The following APOBEC3D variants were observed in gnomAD, a reference collection of about 807,000 sequenced individuals.
APOBEC3D encodes apolipoprotein B mRNA editing enzyme catalytic subunit 3D, also known as DNA dC->dU-editing enzyme APOBEC-3D.
A neutral mutation model predicts 45.6 loss-of-function variants in APOBEC3D; 37 were observed. The observed-to-expected ratio is 0.81, with a 90% CI of 0.62 to 1.07. APOBEC3D has a LOEUF of 1.07. Ranked by LOEUF, APOBEC3D falls within the 50% of genes least tolerant of loss-of-function variation. The probability of loss-of-function intolerance (pLI) is 0.00; values close to 1 mark genes in which losing one functional copy is unlikely to be tolerated. For synonymous variants in APOBEC3D, 175 were observed against 180.7 expected (o/e 0.97, Z 0.25); for missense variants, 496 against 495.3 (o/e 1.00, Z -0.01).
chr22:39,021,945 T>C (rs1925156209), intron 1 of APOBEC3D, among the ~76,000 whole-genome samples: 1 of 152,220 alleles, frequency 6.6e-6, no homozygotes. Context: ...AAGATTTACT[T>C]TGTTTAAATA....
Position 39,021,490 on chromosome 22 carries a change from A to G in APOBEC3D, c.-30A>G. The G allele has an allele frequency of 6.2e-7, 1 of 1,614,136 alleles. No homozygotes were observed. Among genetic ancestry groups the G allele is most frequent in the East Asian group, 2.2e-5 (1 of 44,878 alleles). On this transcript the variant is annotated 5_prime_UTR_variant, in exon 1 of 7. Coordinates refer to ENST00000216099, the MANE Select transcript of APOBEC3D (RefSeq NM_152426.4). Reference sequence around the variant, plus strand: ...CACAGCACTTCAAAAAAAGAGGGAGACTGGGACAAGCGTATCTAAGAGGCT... The same window carrying G: ...CACAGCACTTCAAAAAAAGAGGGAGGCTGGGACAAGCGTATCTAAGAGGCT...
At chr22:39,025,736 T>TC (rs1569056801) in intron 4 of APOBEC3D, 65 bp downstream of exon 4, 2 of 1,607,364 alleles carry the variant, frequency 1.2e-6, no homozygotes, top group Non-Finnish European at 1.7e-6. Context: ...TCCTGAGGAC[T>TC]CCCCTGGCTG....
At chr22:39,027,311 T>C (rs573784100) in intron 4 of APOBEC3D, among the ~76,000 whole-genome samples, 2 of 152,198 alleles carry the variant, frequency 1.3e-5, no homozygotes, top group South Asian at 2.1e-4. Flanking sequence ...CCACCCACTA[T>C]TCCTCCCTCC....
chr22:39,024,981 C>T lies in APOBEC3D; in HGVS notation c.211-89C>T. 3.5e-6 allele frequency: 4 copies of T among 1,128,294 alleles called. No individual in the cohort carries two copies. In the South Asian group the frequency reaches 6.6e-5, roughly 19 times the overall value. The allele number at this position is 1,128,294 out of a possible 1,614,324, so 69.9% of individuals were successfully genotyped here. A position where few individuals can be genotyped will look rare whatever the true frequency, so the allele number is the denominator to read the frequency against. On this transcript the variant is annotated intron_variant, in intron 2 of 6. Coordinates refer to ENST00000216099, the MANE Select transcript of APOBEC3D (RefSeq NM_152426.4). ...CTTCAATGGCAAGATCCCCTGGGCTCCTGTCCTGGCCCCTCCTCCCCCTGC... is the reference window on the plus strand; with the variant it reads ...CTTCAATGGCAAGATCCCCTGGGCTTCTGTCCTGGCCCCTCCTCCCCCTGC...
chr22:39,030,383 G>A (rs1260656758), intron 5 of APOBEC3D, among the ~76,000 whole-genome samples: 3 of 152,112 alleles, frequency 2.0e-5, no homozygotes, highest in East Asian at 1.9e-4. Context: ...GCCTACAGCA[G>A]TGCTGGCCTC....
intron 4 of APOBEC3D, 25 bp downstream of exon 4, chr22:39,025,696 C>T (rs181901737): frequency 1.0e-4 from 167 of 1,613,906 alleles, no homozygotes; most frequent in Non-Finnish European, 1.4e-4. Context: ...CTGGCCTCAT[C>T]GTCTCTCTCC....
Position 39,025,759 on chromosome 22 carries a change from C to G in APOBEC3D, c.605+88C>G, listed in dbSNP as rs898812252. 2.2e-5 allele frequency: 35 copies of G among 1,593,042 alleles called. No homozygotes were observed. In the African/African-American group the frequency reaches 4.2e-4, roughly 19 times the overall value. On this transcript the variant is annotated intron_variant, in intron 4 of 6. Transcript: ENST00000216099. The stretch of plus-strand genomic sequence containing the variant: ...ACTCCCCTGGCTGGGCCCTCCTGCC[C>G]TCCGTCCTGCCCCCCTGCCTGCCCT...
At chr22:39,024,621 T>C (rs868442598) in intron 2 of APOBEC3D, among the ~76,000 whole-genome samples, 20 of 152,046 alleles carry the variant, frequency 1.3e-4, no homozygotes, top group African/African-American at 4.8e-4. Flanking sequence ...AGCTGCACAG[T>C]CACATGGGGG....
chr22:39,028,753 G>A (rs1925924186), intron 4 of APOBEC3D, among the ~76,000 whole-genome samples: 1 of 152,172 alleles, frequency 6.6e-6, no homozygotes, highest in Non-Finnish European at 1.5e-5. Context: ...GGCTAACGTG[G>A]TGAAACCCCG....
intron 4 of APOBEC3D, among the ~76,000 whole-genome samples, chr22:39,026,216 G>T (rs892135200): frequency 4.5e-4 from 68 of 152,242 alleles, no homozygotes; most frequent in African/African-American, 1.6e-3. Flanking sequence ...GGGTGGGTGG[G>T]GTTGTGTCCT....
chr22:39,026,553 G>C (rs1405940361), intron 4 of APOBEC3D, among the ~76,000 whole-genome samples: 1 of 152,120 alleles, frequency 6.6e-6, no homozygotes, highest in African/African-American at 2.4e-5. Flanking sequence ...AGGGGTCCCC[G>C]TTCTGTGTGT....
chr22:39,023,001 A>C lies in APOBEC3D; in HGVS notation c.197A>C (p.Asn66Thr). The C allele has an allele frequency of 6.3e-7, 1 of 1,598,946 alleles. No homozygotes were observed. The highest frequency in any genetic ancestry group is 1.7e-5 in the Admixed American group (1 of 58,362). ...CCGGTACTACCCAAACGTCAGTCGA[A>C]TCACAGGCAGGAGGTAAGCAGCTGG... is the stretch of plus-strand genomic sequence containing the variant. ...RGPVLPKRQS[N>T]HRQEVYFRFE... is the part of the protein sequence containing the mutation. Residue 66 changes from asparagine to threonine, a missense_variant, in exon 2 of 7, where the codon AAT (asparagine) becomes ACT (threonine). Physicochemically the swap from Asn to Thr is moderately conservative, Grantham distance 65. Coordinates refer to ENST00000216099, the MANE Select transcript of APOBEC3D (RefSeq NM_152426.4).
intron 5 of APOBEC3D, 141 bp from the exon 6 acceptor site, chr22:39,031,553 G>T: frequency 7.6e-7 from 1 of 1,307,466 alleles, no homozygotes; most frequent in South Asian, 1.4e-5. Flanking sequence ...TTGGGCAACA[G>T]GAGAGACCCT....
intron 4 of APOBEC3D, among the ~76,000 whole-genome samples, chr22:39,026,076 G>C (rs1168815449): frequency 6.6e-6 from 1 of 152,254 alleles, no homozygotes; most frequent in African/African-American, 2.4e-5. Context: ...CTGAGCCCCT[G>C]AGAAGGAGCC....
At chr22:39,021,559 C>T in intron 1 of APOBEC3D, 23 bp downstream of exon 1, 1 of 1,611,752 alleles carries the variant, frequency 6.2e-7, no homozygotes, top group Non-Finnish European at 8.5e-7. Context: ...ACTATGTCCG[C>T]AGGGCCCCTC....
At position 39,023,006 on chromosome 22, in the gene APOBEC3D, A is replaced by G. The variant is rs369273982; in HGVS notation, c.202A>G (p.Arg68Gly). ...PVLPKRQSNH[R>G]QEVYFRFENH... ...ACTACCCAAACGTCAGTCGAATCAC[A>G]GGCAGGAGGTAAGCAGCTGGGAATG... Residue 68 changes from arginine to glycine, a missense_variant, in exon 2 of 7, where the codon AGG becomes GGG. Physicochemically the swap from Arg to Gly is moderately radical, Grantham distance 125. Coordinates refer to ENST00000216099, the MANE Select transcript of APOBEC3D (RefSeq NM_152426.4). 8 of 1,591,788 alleles carry G rather than the reference A, an allele frequency of 5.0e-6. No homozygotes were observed. In the African/African-American group the frequency reaches 1.1e-4, roughly 22 times the overall value.
At chr22:39,025,837 T>C (rs1925603279) in intron 4 of APOBEC3D, among the ~76,000 whole-genome samples, 166 bp downstream of exon 4, 2 of 150,102 alleles carry the variant, frequency 1.3e-5, no homozygotes, top group Admixed American at 6.6e-5. Context: ...CCTTGGTGCC[T>C]CCCCCCTGCT....
In APOBEC3D at chr22:39,023,029, A is replaced by G; in HGVS notation, c.210+15A>G. On this transcript the variant is annotated intron_variant, in intron 2 of 6. Transcript: ENST00000216099. ...ACAGGCAGGAGGTAAGCAGCTGGGA[A>G]TGCAGAAAACACATAAGTAAAATGT... 3.2e-6 allele frequency: 5 copies of G among 1,564,120 alleles called. No homozygotes were observed. In the Admixed American group the frequency reaches 5.6e-5, roughly 17 times the overall value.
intron 4 of APOBEC3D, among the ~76,000 whole-genome samples, chr22:39,028,412 C>T (rs933942460): frequency 2.6e-5 from 4 of 152,256 alleles, no homozygotes; most frequent in African/African-American, 4.8e-5. Context: ...GATTATCTGG[C>T]CTCCCTATGC....
Sources: gnomAD v4.1 joint callset for allele counts (sites outside exome capture counted in the v4.1 genomes callset) on GRCh38, gnomAD v4.1.1 for gene constraint, MANE v1.5 for transcripts, NCBI Gene and HGNC (gene_info 2026-07-23, HGNC 2026-07-21) for gene names.